PTTG1IP: variants seen among roughly 807,000 people sequenced by gnomAD.
PTTG1IP encodes the protein PTTG1 interacting protein, also known as pituitary tumor-transforming gene 1 protein-interacting protein.
In PTTG1IP, 16 loss-of-function variants were observed where a neutral mutation model predicts 24.4. That is an observed-to-expected ratio of 0.66 (90% confidence interval 0.44 to 1.00). The LOEUF is 1.00. PTTG1IP is among the 50% of genes least tolerant of loss of function. The probability of loss-of-function intolerance (pLI) is 0.00; values close to 1 mark genes in which losing one functional copy is unlikely to be tolerated. For missense variants in PTTG1IP, 241 were observed against 245.8 expected (o/e 0.98, Z 0.13); for synonymous variants, 89 against 96.8 (o/e 0.92, Z 0.47).
At chr21:44,858,147 G>C (rs1343517285) in intron 3 of PTTG1IP, among the ~76,000 whole-genome samples, 1 of 152,258 alleles carries the variant, frequency 6.6e-6, no homozygotes, top group Non-Finnish European at 1.5e-5. Context: ...GCCTGAAAGA[G>C]AGGCATCTTT....
At chr21:44,861,429 C>A (rs770767563) in intron 2 of PTTG1IP, among the ~76,000 whole-genome samples, 158 bp from the exon 3 acceptor site, 1 of 152,222 alleles carries the variant, frequency 6.6e-6, no homozygotes. Context: ...TCACCCTCAG[C>A]GCCCTTCGGT....
At chr21:44,861,867 TG>T in intron 2 of PTTG1IP, 1 of 717,254 alleles carries the variant, frequency 1.4e-6, no homozygotes, top group South Asian at 1.5e-5. Flanking sequence ...TGAATGGACT[TG>T]GGTGAGCATG....
At chr21:44,851,744 C>A in intron 5 of PTTG1IP, 117 bp from the exon 6 acceptor site, 1 of 1,295,598 alleles carries the variant, frequency 7.7e-7, no homozygotes, top group African/African-American at 1.5e-5. Flanking sequence ...CAACAACGGG[C>A]ATTGTAAGCA....
At chr21:44,851,848 T>G (rs1359152330) in intron 5 of PTTG1IP, among the ~76,000 whole-genome samples, 1 of 152,168 alleles carries the variant, frequency 6.6e-6, no homozygotes, top group East Asian at 1.9e-4. Context: ...CTCTAACAGA[T>G]CCTAAGAGAT....
intron 3 of PTTG1IP, among the ~76,000 whole-genome samples, chr21:44,858,405 G>A (rs2083464678): frequency 6.6e-6 from 1 of 152,214 alleles, no homozygotes; most frequent in African/African-American, 2.4e-5. Flanking sequence ...TCCCCACTCT[G>A]CTCCCGTGGG....
In PTTG1IP at chr21:44,856,102, A is replaced by G. The variant is rs765325645; in HGVS notation, c.449+91T>C. 5 of 1,609,964 alleles carry G rather than the reference A, an allele frequency of 3.1e-6. No homozygotes were observed. In the South Asian group the frequency reaches 3.3e-5, roughly 11 times the overall value. On this transcript the variant is annotated intron_variant, in intron 4 of 5. Transcript: ENST00000330938. The stretch of plus-strand genomic sequence containing the variant: ...ATTCTTAATTTCTAAAAACTGAGGA[A>G]AACTCAGGATGTATCCATGTGATTT...
At chr21:44,865,739 G>A (rs1601255058) in intron 1 of PTTG1IP, 1 of 532,062 alleles carries the variant, frequency 1.9e-6, no homozygotes, top group Non-Finnish European at 3.4e-6. Context: ...AGAAGGCTGT[G>A]TTTCAGATCT....
intron 2 of PTTG1IP, chr21:44,861,679 C>T (rs1484062000): frequency 4.2e-6 from 3 of 714,412 alleles, no homozygotes; most frequent in Non-Finnish European, 5.2e-6. Context: ...GGCCCTGCCT[C>T]GATCAACAGA....
At chr21:44,860,704 T>TC (rs2083484478) in intron 3 of PTTG1IP, among the ~76,000 whole-genome samples, 1 of 152,168 alleles carries the variant, frequency 6.6e-6, no homozygotes, top group Non-Finnish European at 1.5e-5. Context: ...AGGGCTGCTT[T>TC]CCCGGTCAGC....
intron 2 of PTTG1IP, among the ~76,000 whole-genome samples, 187 bp from the exon 3 acceptor site, chr21:44,861,458 C>T (rs547651507): frequency 1.3e-5 from 2 of 152,346 alleles, no homozygotes; most frequent in South Asian, 4.1e-4. Context: ...AGCACAGCGG[C>T]CAGCAGCCCT....
chr21:44,870,517 C>A (rs909687240), intron 1 of PTTG1IP, among the ~76,000 whole-genome samples: 2 of 108,018 alleles, frequency 1.9e-5, no homozygotes, highest in East Asian at 2.6e-4. Context: ...CAGGGCAAGA[C>A]TCCATCTCAA....
At chr21:44,855,971 C>A (rs1371532492) in intron 4 of PTTG1IP, among the ~76,000 whole-genome samples, 2 of 152,200 alleles carry the variant, frequency 1.3e-5, no homozygotes, top group Non-Finnish European at 2.9e-5. Context: ...TGGGAGGACA[C>A]CGGGCGAGGA....
intron 3 of PTTG1IP, among the ~76,000 whole-genome samples, chr21:44,857,247 C>T (rs146600957): frequency 1.3e-5 from 2 of 152,274 alleles, no homozygotes; most frequent in Admixed American, 6.5e-5. Flanking sequence ...GAGGCCAAAT[C>T]GGGAGGATTG....
Position 44,861,656 on chromosome 21 carries a change from C to G in PTTG1IP, c.169-385G>C. On this transcript the variant is annotated intron_variant, in intron 2 of 5. Coordinates refer to ENST00000330938, the MANE Select transcript of PTTG1IP (RefSeq NM_004339.4). ...CTCTCCCCACATCTGTGTGGCTCCC[C>G]ACTGACTGGATGGGCCCTGCCTCGA... 5.6e-6 allele frequency: 4 copies of G among 710,176 alleles called. No homozygotes were observed. The South Asian group carries it at 6.0e-5, about 11-fold the overall frequency. 44.0% of individuals were successfully genotyped at this position (710,176 alleles called of 1,614,324 possible).
At chr21:44,869,934 T>C (rs2083570644) in intron 1 of PTTG1IP, among the ~76,000 whole-genome samples, 1 of 152,190 alleles carries the variant, frequency 6.6e-6, no homozygotes. Context: ...AACTAGGTCT[T>C]GTGTGAACTA....
intron 2 of PTTG1IP, among the ~76,000 whole-genome samples, chr21:44,863,400 GCCCAAGAGCACACCCA>G (rs1273284442): frequency 6.6e-6 from 1 of 152,262 alleles, no homozygotes; most frequent in Non-Finnish European, 1.5e-5. Context: ...CCTCCTGTGT[GCCCAAGAGCACACCCA>G]CACACGCCTG....
intron 2 of PTTG1IP, among the ~76,000 whole-genome samples, chr21:44,862,458 G>A (rs1406031258): frequency 6.6e-6 from 1 of 152,236 alleles, no homozygotes; most frequent in Non-Finnish European, 1.5e-5. Context: ...GGCGCAGGTT[G>A]CGGTGAGCCG....
chr21:44,855,958 C>T (rs538133458), intron 4 of PTTG1IP, among the ~76,000 whole-genome samples: 1 of 152,302 alleles, frequency 6.6e-6, no homozygotes. Context: ...CTTACTGCAC[C>T]GATGGGAGGA....
chr21:44,865,482 G>C (rs1436778322), intron 1 of PTTG1IP, 35 bp from the exon 2 acceptor site: 1 of 1,609,220 alleles, frequency 6.2e-7, no homozygotes, highest in South Asian at 1.1e-5. Context: ...GTCAGTCACT[G>C]AGAATCAGGC....
Sources: allele counts gnomAD v4.1 joint callset (sites outside exome capture counted in the v4.1 genomes callset), GRCh38; gene constraint gnomAD v4.1.1; transcripts MANE v1.5; gene names NCBI Gene and HGNC (gene_info 2026-07-23, HGNC 2026-07-21).